The following ARFGEF3 variants were observed in gnomAD, a reference collection of about 807,000 sequenced individuals.
The protein encoded by ARFGEF3 is brefeldin A-inhibited guanine nucleotide-exchange protein 3.
Under a neutral mutation model 221.7 loss-of-function variants are expected in ARFGEF3, and 96 were observed. That is an observed-to-expected ratio of 0.43 (90% CI 0.37 to 0.51). The LOEUF (loss-of-function observed/expected upper bound fraction) is 0.51, where lower values mean the gene tolerates loss of function less well. Among genes scored for constraint, ARFGEF3 ranks in the 20% least tolerant of loss-of-function variants. ARFGEF3 has a pLI of 0.00. For missense variants in ARFGEF3, 2,410 were observed against 2,789.9 expected, an observed-to-expected ratio of 0.86 and a Z score of 3.07; for synonymous variants, 1,145 against 1,126.8, an observed-to-expected ratio of 1.02 and a Z score of -0.32.
At chr6:138,242,038 A>T (rs111943841) in intron 6 of ARFGEF3, among the ~76,000 whole-genome samples, 16 of 152,316 alleles carry the variant, frequency 1.1e-4, no homozygotes, top group African/African-American at 3.6e-4. Context: ...AGCCATTCTG[A>T]GCTGTAGATA....
At position 138,278,438 on chromosome 6, in the gene ARFGEF3, T is replaced by C. The variant is rs1779136953; in HGVS notation, c.2129-13T>C. The C allele has an allele frequency of 6.2e-7, 1 of 1,612,626 alleles. No homozygotes were observed. The highest frequency in any genetic ancestry group is 1.3e-5 in the African/African-American group (1 of 74,900). ...GTTCACACCCCCAAAAGTCCCTTCA[T>C]TGTCTCCCTTAGGCATGATGCACTC... is the stretch of plus-strand genomic sequence containing the variant. On this transcript the variant is annotated splice_polypyrimidine_tract_variant and intron_variant, in intron 12 of 33. Transcript: ENST00000251691.
In ARFGEF3 at chr6:138,207,150, A is replaced by G. The variant is rs529568259; in HGVS notation, c.219+27A>G. ...TATGGCTTTGACTGAATGCAATGGG[A>G]TGATAGAAATTGACAGGCCACTTTG... On this transcript the variant is annotated intron_variant, in intron 3 of 33. Coordinates refer to ENST00000251691, the MANE Select transcript of ARFGEF3 (RefSeq NM_020340.5). The G allele has an allele frequency of 1.6e-5, 25 of 1,578,118 alleles. 1 individual carries two copies. In the South Asian group the frequency reaches 1.6e-4, roughly 10 times the overall value.
chr6:138,278,078 G>A (rs1033148127), intron 12 of ARFGEF3, among the ~76,000 whole-genome samples: 1 of 152,198 alleles, frequency 6.6e-6, no homozygotes, highest in Non-Finnish European at 1.5e-5. Flanking sequence ...AGAGGAGGGT[G>A]AGGTTGGAGT....
rs1562357737 is a variant in ARFGEF3 at position 138,218,557 on chromosome 6, T to G, written c.351+8516T>G. On this transcript the variant is annotated intron_variant, in intron 4 of 33. Transcript: ENST00000251691. ...CACTCTTTAGCTGAGCCAATGTTTC[T>G]GTTCCATCCTACGAGGTAGAGTTTT... The G allele has an allele frequency of 2.5e-6, 3 of 1,220,138 alleles. No individual in the cohort carries two copies. The East Asian group carries it at 7.9e-5, about 32-fold the overall frequency. 75.6% of individuals were successfully genotyped at this position (1,220,138 alleles called of 1,614,324 possible).
Position 138,210,034 on chromosome 6 carries a change from T to C in ARFGEF3, c.344T>C (p.Val115Ala), listed in dbSNP as rs1319858330. 3 of 1,613,280 alleles carry C rather than the reference T, an allele frequency of 1.9e-6. No homozygotes were observed. Among genetic ancestry groups the C allele is most frequent in the Non-Finnish European group, 8.5e-7 (1 of 1,179,644 alleles). Reference sequence around the variant, plus strand: ...CTCAACGAGGACCTGCAGGTGGAAGTGATGAAGGTTGGTTTGACGTGGCCA... The same window carrying C: ...CTCAACGAGGACCTGCAGGTGGAAGCGATGAAGGTTGGTTTGACGTGGCCA... ...PSLNEDLQVE[V>A]MKVLLCITYT... Residue 115 changes from valine (V) to alanine (A), a missense_variant, in exon 4 of 34, where the codon GTG (valine) becomes GCG (alanine). Coordinates refer to ENST00000251691, the MANE Select transcript of ARFGEF3 (RefSeq NM_020340.5).
rs773647822 is a variant in ARFGEF3 at position 138,207,063 on chromosome 6, C to T, written c.159C>T (p.Leu53=). ...HVLREKCLLP[L]QLALESKNVK... ...CCAGGGAGAAATGCCTGCTGCCTCT[C>T]CAGTTGGCTTTGGAATCCAAGAATG... Residue 53 remains leucine (L), a synonymous_variant, in exon 3 of 34, where the codon CTC becomes CTT. Coordinates refer to ENST00000251691, the MANE Select transcript of ARFGEF3 (RefSeq NM_020340.5). The T allele has an allele frequency of 2.5e-6, 4 of 1,610,764 alleles. No homozygotes were observed. The highest frequency in any genetic ancestry group is 3.4e-6 in the Non-Finnish European group (4 of 1,178,700).
At chr6:138,189,875 T>A (rs1777262518) in intron 2 of ARFGEF3, among the ~76,000 whole-genome samples, 1 of 151,374 alleles carries the variant, frequency 6.6e-6, no homozygotes, top group African/African-American at 2.4e-5. Flanking sequence ...AGCCCAGGGG[T>A]TCAAGACCAG....
chr6:138,328,862 T>C (rs1780171105), intron 32 of ARFGEF3, among the ~76,000 whole-genome samples: 1 of 152,142 alleles, frequency 6.6e-6, no homozygotes, highest in African/African-American at 2.4e-5. Context: ...CCAAGCATGA[T>C]GGCGCATGCC....
At position 138,293,880 on chromosome 6, in the gene ARFGEF3, G is replaced by A. The variant is rs1272114577; in HGVS notation, c.3369-113G>A. ...GAATAATACCATACATTTGTCTACA[G>A]TGTTTACACAGCATTTCCATTAATC... On this transcript the variant is annotated intron_variant, in intron 19 of 33. Transcript: ENST00000251691. 6.0e-6 allele frequency: 6 copies of A among 1,007,196 alleles called. No homozygotes were observed. The African/African-American group carries it at 9.6e-5, about 16-fold the overall frequency. The allele number at this position is 1,007,196 out of a possible 1,614,324, so 62.4% of individuals were successfully genotyped here.
chr6:138,300,245 G>C (rs1779605846), intron 22 of ARFGEF3, among the ~76,000 whole-genome samples: 1 of 152,120 alleles, frequency 6.6e-6, no homozygotes, highest in Admixed American at 6.5e-5. Flanking sequence ...AGACTAGATT[G>C]TTAACACTTA....
chr6:138,262,213 A>C (rs1778809854), intron 11 of ARFGEF3, among the ~76,000 whole-genome samples: 1 of 138,488 alleles, frequency 7.2e-6, no homozygotes. Flanking sequence ...TTTTTTTGAC[A>C]GAGTCTTGCT....
At chr6:138,313,635 G>T (rs1218739123) in intron 25 of ARFGEF3, among the ~76,000 whole-genome samples, 160 bp from the exon 26 acceptor site, 1 of 152,106 alleles carries the variant, frequency 6.6e-6, no homozygotes, top group Non-Finnish European at 1.5e-5. Context: ...GATGCCTCTT[G>T]TAAGCTACCC....
chr6:138,214,872 C>G (rs538471461), intron 4 of ARFGEF3, among the ~76,000 whole-genome samples: 1 of 152,172 alleles, frequency 6.6e-6, no homozygotes, highest in South Asian at 2.1e-4. Flanking sequence ...CATGGTTTTA[C>G]TATTTAACAG....
intron 2 of ARFGEF3, among the ~76,000 whole-genome samples, chr6:138,187,095 C>T (rs918913524): frequency 3.3e-5 from 5 of 151,532 alleles, no homozygotes; most frequent in African/African-American, 9.7e-5. Flanking sequence ...TTGTATTTTT[C>T]GTAGAGATAG....
rs554827058 is a variant in ARFGEF3 at position 138,293,436 on chromosome 6, G to C, written c.3369-557G>C. The stretch of plus-strand genomic sequence containing the variant: ...AGAACCTGTAAGACCCATCATATTG[G>C]GGAACATTCTTTCTTCCAAATAGAT... On this transcript the variant is annotated intron_variant, in intron 19 of 33. Coordinates refer to ENST00000251691, the MANE Select transcript of ARFGEF3 (RefSeq NM_020340.5). Among the ~76,000 whole-genome samples, 6 of 152,242 alleles carry C rather than the reference G, an allele frequency of 3.9e-5. No individual in the cohort carries two copies. In the South Asian group the frequency reaches 6.2e-4, roughly 16 times the overall value.
At chr6:138,262,629 C>A (rs1428421993) in intron 11 of ARFGEF3, 72 bp from the exon 12 acceptor site, 2 of 1,459,576 alleles carry the variant, frequency 1.4e-6, no homozygotes, top group Admixed American at 4.0e-5. Flanking sequence ...CAGGCTAACA[C>A]TCTTGTTCCT....
chr6:138,260,724 G>A (rs1778776378), intron 10 of ARFGEF3, among the ~76,000 whole-genome samples: 1 of 152,060 alleles, frequency 6.6e-6, no homozygotes, highest in South Asian at 2.1e-4. Context: ...AGCAGAAAAT[G>A]TTAGGACTGA....
At chr6:138,278,800 T>C (rs552512161) in intron 13 of ARFGEF3, among the ~76,000 whole-genome samples, 183 bp downstream of exon 13, 2 of 152,262 alleles carry the variant, frequency 1.3e-5, no homozygotes, top group Admixed American at 1.3e-4. Context: ...GGCACAGATA[T>C]ACAGTTGCCC....
At chr6:138,320,020 T>G in intron 28 of ARFGEF3, 141 bp downstream of exon 28, 2 of 723,644 alleles carry the variant, frequency 2.8e-6, no homozygotes, top group Non-Finnish European at 4.6e-6. Flanking sequence ...AACAACATGG[T>G]CAGTGCCAGC....
Sources: gnomAD v4.1 joint callset for allele counts (sites outside exome capture counted in the v4.1 genomes callset) on GRCh38, gnomAD v4.1.1 for gene constraint, MANE v1.5 for transcripts, NCBI Gene and HGNC (gene_info 2026-07-23, HGNC 2026-07-21) for gene names.